The following SIPA1L2 variants were observed in gnomAD, a reference collection of about 807,000 sequenced individuals.
The protein encoded by SIPA1L2 is signal induced proliferation associated 1 like 2.
SIPA1L2 carries 56 observed loss-of-function variants against 163.9 expected under a neutral mutation model. The observed-to-expected ratio is 0.34, with a 90% CI of 0.28 to 0.43. The LOEUF is 0.43. Among genes scored for constraint, SIPA1L2 ranks in the 20% least tolerant of loss-of-function variants. The probability of loss-of-function intolerance (pLI) is 1.00; values close to 1 mark genes in which losing one functional copy is unlikely to be tolerated. For missense variants in SIPA1L2, 1,974 were observed against 2,193.5 expected, an observed-to-expected ratio of 0.90 and a Z score of 2.00; for synonymous variants, 877 against 865.7, an observed-to-expected ratio of 1.01 and a Z score of -0.23.
At chr1:232,412,419 G>T (rs1200479655) in intron 19 of SIPA1L2, among the ~76,000 whole-genome samples, 3 of 152,174 alleles carry the variant, frequency 2.0e-5, no homozygotes, top group African/African-American at 7.2e-5. Context: ...AACTGCCTTT[G>T]TTAGTTTGCA....
chr1:232,441,471 C>G, intron 13 of SIPA1L2, 77 bp from the exon 14 acceptor site: 1 of 1,227,144 alleles, frequency 8.1e-7, no homozygotes, highest in Admixed American at 2.1e-5. Context: ...AGGAGTCAGA[C>G]AAGTGGTTTG....
chr1:232,487,927 C>CTT, intron 5 of SIPA1L2, among the ~76,000 whole-genome samples: 2 of 140,034 alleles, frequency 1.4e-5, no homozygotes, highest in East Asian at 1.9e-3. Flanking sequence ...GTTACACACA[C>CTT]ACACACACAC....
chr1:232,481,172 A>C (rs762499914), intron 6 of SIPA1L2, among the ~76,000 whole-genome samples: 1 of 152,236 alleles, frequency 6.6e-6, no homozygotes, highest in Non-Finnish European at 1.5e-5. Flanking sequence ...TTTTCAAAGG[A>C]CTTCTTAGAA....
chr1:232,548,423 G>A (rs1573064344), intron 2 of SIPA1L2, among the ~76,000 whole-genome samples: 1 of 152,284 alleles, frequency 6.6e-6, no homozygotes, highest in Middle Eastern at 3.4e-3. Context: ...CATAATTAGT[G>A]TGAAACCCAG....
intron 2 of SIPA1L2, among the ~76,000 whole-genome samples, chr1:232,529,529 A>G (rs1390656593): frequency 6.6e-6 from 1 of 152,200 alleles, no homozygotes; most frequent in Non-Finnish European, 1.5e-5. Flanking sequence ...CTTGAGGAGC[A>G]TGGGCTCAAG....
chr1:232,404,289 CA>C, intron 19 of SIPA1L2, 111 bp from the exon 20 acceptor site: 1 of 844,300 alleles, frequency 1.2e-6, no homozygotes. Context: ...TGTGATGGAC[CA>C]GGGGAAACCC....
intron 7 of SIPA1L2, among the ~76,000 whole-genome samples, chr1:232,475,103 C>T (rs922903589): frequency 6.6e-6 from 1 of 152,170 alleles, no homozygotes; most frequent in Admixed American, 6.5e-5. Context: ...ATTCTCTAAA[C>T]GCACACAAGT....
intron 16 of SIPA1L2, among the ~76,000 whole-genome samples, chr1:232,431,306 C>CA (rs1662224815): frequency 6.6e-6 from 1 of 152,152 alleles, no homozygotes; most frequent in Non-Finnish European, 1.5e-5. Flanking sequence ...AAGCCATTTG[C>CA]AATGACTGAC....
intron 6 of SIPA1L2, among the ~76,000 whole-genome samples, chr1:232,482,681 A>G (rs985751520): frequency 6.6e-6 from 1 of 152,144 alleles, no homozygotes; most frequent in Non-Finnish European, 1.5e-5. Flanking sequence ...AGGTCTAAAA[A>G]CAGAACTGAC....
intron 7 of SIPA1L2, among the ~76,000 whole-genome samples, chr1:232,472,942 T>C (rs982800495): frequency 6.6e-6 from 1 of 152,226 alleles, no homozygotes; most frequent in East Asian, 1.9e-4. Flanking sequence ...TGCTGATTCA[T>C]ATGCTGAGAA....
At position 232,441,753 on chromosome 1, in the gene SIPA1L2, G is replaced by A. The variant is rs781537482; in HGVS notation, c.3538+15C>T. 15 of 1,609,968 alleles carry A rather than the reference G, an allele frequency of 9.3e-6. No individual in the cohort carries two copies. Among genetic ancestry groups the A allele is most frequent in the Non-Finnish European group, 1.3e-5 (15 of 1,176,686 alleles). ...GGGGAGCAAGGGAGGTCAATTTCCA[G>A]GAGTTCCTTATTACCCGGGTGCCTG... On this transcript the variant is annotated intron_variant, in intron 13 of 22. Transcript: ENST00000674635.
chr1:232,576,824 G>C (rs1201199766), intron 1 of SIPA1L2, among the ~76,000 whole-genome samples: 1 of 152,150 alleles, frequency 6.6e-6, no homozygotes, highest in Non-Finnish European at 1.5e-5. Flanking sequence ...CTGGATAGAA[G>C]ATGAAACCAG....
At chr1:232,521,854 T>G (rs190345609) in intron 2 of SIPA1L2, among the ~76,000 whole-genome samples, 1 of 152,258 alleles carries the variant, frequency 6.6e-6, no homozygotes, top group East Asian at 1.9e-4. Context: ...CCTCATAGTC[T>G]CATATGCCAT....
chr1:232,604,085 TACAACGCATCC>T (rs1362524436), intron 1 of SIPA1L2, among the ~76,000 whole-genome samples: 1 of 152,010 alleles, frequency 6.6e-6, no homozygotes, highest in Non-Finnish European at 1.5e-5. Context: ...AGCAGAAGGA[TACAACGCATCC>T]ACAGACTCTT....
intron 2 of SIPA1L2, among the ~76,000 whole-genome samples, chr1:232,541,919 T>C (rs941642682): frequency 7.2e-6 from 1 of 139,140 alleles, no homozygotes; most frequent in Non-Finnish European, 1.5e-5. Context: ...ATGTTAAATC[T>C]TGGGCTGAGC....
intron 6 of SIPA1L2, among the ~76,000 whole-genome samples, chr1:232,481,960 G>A (rs1190549386): frequency 1.3e-5 from 2 of 152,182 alleles, no homozygotes; most frequent in Non-Finnish European, 2.9e-5. Flanking sequence ...TCTGTTCCTC[G>A]AAAGACATAA....
intron 1 of SIPA1L2, among the ~76,000 whole-genome samples, chr1:232,615,055 G>A (rs1662430073): frequency 1.3e-5 from 2 of 152,176 alleles, no homozygotes; most frequent in Admixed American, 6.5e-5. Flanking sequence ...ATGTTATGAG[G>A]TGACCCTCTG....
intron 9 of SIPA1L2, among the ~76,000 whole-genome samples, chr1:232,463,999 A>C (rs1664380068): frequency 6.6e-6 from 1 of 152,128 alleles, no homozygotes; most frequent in Non-Finnish European, 1.5e-5. Context: ...AAATGGATAT[A>C]ATTTCTCCTT....
chr1:232,560,548 T>C (rs921217752), intron 2 of SIPA1L2, among the ~76,000 whole-genome samples: 2 of 152,198 alleles, frequency 1.3e-5, no homozygotes, highest in Non-Finnish European at 2.9e-5. Context: ...TTAATCCTCA[T>C]GGGAAGGAAA....
Sources: allele counts gnomAD v4.1 joint callset (sites outside exome capture counted in the v4.1 genomes callset), GRCh38; gene constraint gnomAD v4.1.1; transcripts MANE v1.5; gene names NCBI Gene and HGNC (gene_info 2026-07-23, HGNC 2026-07-21).